ASAP3: variants seen among roughly 807,000 people sequenced by gnomAD.
ASAP3 encodes ArfGAP with SH3 domain, ankyrin repeat and PH domain 3.
ASAP3 carries 85 observed loss-of-function variants against 118.2 expected under a neutral mutation model. That is an observed-to-expected ratio of 0.72 (90% confidence interval 0.60 to 0.86). ASAP3 has a LOEUF of 0.86. Ranked by LOEUF, ASAP3 falls within the 40% of genes least tolerant of loss-of-function variation. The pLI, the probability that ASAP3 is intolerant of heterozygous loss-of-function variation, is 0.00. For synonymous variants in ASAP3, 432 were observed against 477.4 expected (o/e 0.90, Z 1.24); for missense variants, 1,026 against 1,175.0 (o/e 0.87, Z 1.85).
Position 23,435,954 on chromosome 1 carries a change from TG to T in ASAP3, c.1645del (p.Gln549SerfsTer94). 6.2e-7 allele frequency: 1 copy of T among 1,614,246 alleles called. No individual in the cohort carries two copies. The highest frequency in any genetic ancestry group is 8.5e-7 in the Non-Finnish European group (1 of 1,180,042). On this transcript the variant is annotated frameshift_variant, in exon 17 of 25. Transcript: ENST00000336689. LOFTEE classifies it high-confidence loss of function. ...RFARRCTPEP[Q>X]RLWTAICNRD... Reference sequence around the variant, plus strand: ...GTTGCAAATGGCTGTCCAGAGTCGCTGAGGCTCAGGTGTGCACCGGCGTGCA... The same window carrying T: ...GTTGCAAATGGCTGTCCAGAGTCGCTAGGCTCAGGTGTGCACCGGCGTGCA...
chr1:23,434,644 A>T, intron 17 of ASAP3, 26 bp from the exon 18 acceptor site: 1 of 1,606,486 alleles, frequency 6.2e-7, no homozygotes, highest in East Asian at 2.2e-5. Context: ...CACCTCTGAG[A>T]TTCCCCCCCC....
intron 4 of ASAP3, among the ~76,000 whole-genome samples, chr1:23,452,413 C>T (rs1303683179): frequency 5.3e-5 from 8 of 152,170 alleles, no homozygotes; most frequent in African/African-American, 9.7e-5. Flanking sequence ...CCCTTGGCCT[C>T]GAATTTCAAC....
At position 23,484,128 on chromosome 1, in the gene ASAP3, C is replaced by A; in HGVS notation, c.6G>T (p.Pro2=). The change falls in exon 1 of 25, where the codon CCG becomes CCT. Residue 2 remains proline (P), a synonymous_variant. Transcript: ENST00000336689. ...GGAACTCGGCGACGCTGAACTGCTC[C>A]GGCATGGCGGGCGCGAGCGTGGAGC... M[P]EQFSVAEFLA... 7.8e-7 allele frequency: 1 copy of A among 1,281,382 alleles called. No homozygotes were observed. The highest frequency in any genetic ancestry group is 9.8e-7 in the Non-Finnish European group (1 of 1,016,000). 79.4% of individuals were successfully genotyped at this position (1,281,382 alleles called of 1,614,324 possible).
intron 17 of ASAP3, chr1:23,435,585 G>A: frequency 1.8e-6 from 1 of 540,746 alleles, no homozygotes; most frequent in East Asian, 3.2e-5. Flanking sequence ...CACCGTGGGT[G>A]CTATTATTAA....
chr1:23,435,536 G>C (rs1036500552), intron 17 of ASAP3, among the ~76,000 whole-genome samples: 2 of 152,182 alleles, frequency 1.3e-5, no homozygotes, highest in Admixed American at 6.5e-5. Context: ...CATGCCCATT[G>C]TACACTAAGC....
chr1:23,461,916 C>T lies in ASAP3; in HGVS notation c.130-5722G>A, dbSNP rs1257771963. On this transcript the variant is annotated intron_variant, in intron 1 of 24. Transcript: ENST00000336689. ...GAATTCTTTAATATGAAAGAGAAAT[C>T]TCTTATTTGAGCCACTGTTATACTG... is the stretch of plus-strand genomic sequence containing the variant. 4.6e-5 allele frequency among the ~76,000 whole-genome samples: 7 copies of T among 152,226 alleles called. No individual in the cohort carries two copies. The South Asian group carries it at 6.2e-4, about 14-fold the overall frequency.
In ASAP3 at chr1:23,452,764, TTCTGAA is replaced by T; in HGVS notation, c.350_355del (p.Ile117_Gln118del). 6.2e-7 allele frequency: 1 copy of T among 1,613,874 alleles called. No homozygotes were observed. Among genetic ancestry groups the T allele is most frequent in the Non-Finnish European group, 8.5e-7 (1 of 1,179,998 alleles). ...GGGGAAAGAGACAATGTTGTTCAAG[TTCTGAA>T]TCTGGAAAAAACAGAGACGCTCATT... On this transcript the variant is annotated inframe_deletion and splice_region_variant, in exon 4 of 25. Transcript: ENST00000336689.
chr1:23,431,137 G>T lies in ASAP3; in HGVS notation c.2547-12C>A. On this transcript the variant is annotated splice_polypyrimidine_tract_variant and intron_variant, in intron 23 of 24. Transcript: ENST00000336689. ...GAGTGCTCTCGGAGCTGGAAGGCAG[G>T]GAAAGGCCAACATGACCCTCATGTC... is the stretch of plus-strand genomic sequence containing the variant. 1 of 1,573,266 alleles carries T rather than the reference G, an allele frequency of 6.4e-7. No homozygotes were observed. Among genetic ancestry groups the T allele is most frequent in the South Asian group, 1.2e-5 (1 of 85,448 alleles).
chr1:23,439,110 G>A, intron 11 of ASAP3, 51 bp downstream of exon 11: 1 of 1,593,038 alleles, frequency 6.3e-7, no homozygotes, highest in Non-Finnish European at 8.6e-7. Flanking sequence ...CAGAACACCA[G>A]AAGAAGAGGG....
At chr1:23,454,095 T>C (rs983413939) in intron 3 of ASAP3, among the ~76,000 whole-genome samples, 2 of 151,598 alleles carry the variant, frequency 1.3e-5, no homozygotes, top group African/African-American at 2.4e-5. Flanking sequence ...TCACACTCAC[T>C]ACAGCCTCAA....
At chr1:23,473,174 C>T (rs1356618666) in intron 1 of ASAP3, among the ~76,000 whole-genome samples, 1 of 152,192 alleles carries the variant, frequency 6.6e-6, no homozygotes, top group African/African-American at 2.4e-5. Flanking sequence ...TAGCTTACCA[C>T]AATAGTTTTC....
In ASAP3 at chr1:23,435,660, A is replaced by G; in HGVS notation, c.1749+191T>C. 6 of 682,018 alleles carry G rather than the reference A, an allele frequency of 8.8e-6. No homozygotes were observed. The South Asian group carries it at 1.0e-4, about 12-fold the overall frequency. 42.2% of individuals were successfully genotyped at this position (682,018 alleles called of 1,614,324 possible). A position where few individuals can be genotyped will look rare whatever the true frequency, so the allele number is the denominator to read the frequency against. The stretch of plus-strand genomic sequence containing the variant: ...CCTGCCCTAGATCACACAGCTAGGA[A>G]AAAACAGAGCCAGGATTCCCACCCA... On this transcript the variant is annotated intron_variant, in intron 17 of 24. Coordinates refer to ENST00000336689, the MANE Select transcript of ASAP3 (RefSeq NM_017707.4).
At chr1:23,439,052 C>T in intron 11 of ASAP3, 109 bp downstream of exon 11, 1 of 1,407,538 alleles carries the variant, frequency 7.1e-7, no homozygotes, top group Non-Finnish European at 9.9e-7. Context: ...GCTCCCTGGA[C>T]CTAGGTTTGG....
intron 1 of ASAP3, among the ~76,000 whole-genome samples, chr1:23,459,929 C>T (rs58886593): frequency 0.066 from 10,111 of 152,204 alleles, 1,074 homozygotes; most frequent in African/African-American, 0.22. Context: ...ACTTGGCGAC[C>T]TAGAATAAAG....
At chr1:23,442,295 A>G in intron 6 of ASAP3, 24 bp from the exon 7 acceptor site, 1 of 1,591,982 alleles carries the variant, frequency 6.3e-7, no homozygotes, top group Non-Finnish European at 8.6e-7. Flanking sequence ...AGGGCAAGAT[A>G]CGTGATGTGA....
rs1558121482 is a variant in ASAP3, at chr1:23,438,696, A to C, written c.1102+51T>G. 6.4e-7 allele frequency: 1 copy of C among 1,565,184 alleles called. No homozygotes were observed. The highest frequency in any genetic ancestry group is 1.1e-5 in the South Asian group (1 of 89,694). On this transcript the variant is annotated intron_variant, in intron 12 of 24. Coordinates refer to ENST00000336689, the MANE Select transcript of ASAP3 (RefSeq NM_017707.4). The surrounding 1 kb of genome is among the most constrained non-coding windows in gnomAD (Gnocchi z 4.9). ...CCCCCCGGGAGCTGACAGGTGTCTT[A>C]GAGAAGCCCTGAGCAGCTGTGGGTG...
Position 23,456,134 on chromosome 1 carries a change from T to A in ASAP3, c.190A>T (p.Ser64Cys). ...GAGGCTCACTTACCAAGGCCGGAGC[T>A]ATGGATTGCCCGCACAGCCTTCTTT... ...RIKKAVRAIH[S>C]SGLGHVENEE... The change falls in exon 2 of 25, where the codon AGC (serine) becomes TGC (cysteine). Residue 64 changes from serine (S) to cysteine (C), a missense_variant. Ser to Cys is a moderately radical substitution (Grantham distance 112, BLOSUM62 -1). Transcript: ENST00000336689. 6.2e-7 allele frequency: 1 copy of A among 1,614,122 alleles called. No individual in the cohort carries two copies.
At chr1:23,433,055 T>C in intron 22 of ASAP3, 22 bp downstream of exon 22, 2 of 1,612,614 alleles carry the variant, frequency 1.2e-6, no homozygotes, top group Non-Finnish European at 8.5e-7. Flanking sequence ...TGGTGAGCAT[T>C]TATCTGGGCA....
chr1:23,471,549 C>A (rs577615279), intron 1 of ASAP3, among the ~76,000 whole-genome samples: 3 of 152,258 alleles, frequency 2.0e-5, no homozygotes, highest in Admixed American at 2.0e-4. Flanking sequence ...ACTAGCAAGG[C>A]CCAGTGGCAA....
Sources: gnomAD v4.1 joint callset for allele counts (sites outside exome capture counted in the v4.1 genomes callset) on GRCh38, gnomAD v4.1.1 for gene constraint, Gnocchi (gnomAD v3.1) non-coding constraint, MANE v1.5 for transcripts, NCBI Gene and HGNC (gene_info 2026-07-23, HGNC 2026-07-21) for gene names.